The following SLC12A5 variants were observed in gnomAD, a reference collection of about 807,000 sequenced individuals.
SLC12A5 encodes the protein solute carrier family 12 member 5, also known as K-Cl cotransporter 2.
A neutral mutation model predicts 124.0 loss-of-function variants in SLC12A5; 18 were observed. That is an observed-to-expected ratio of 0.15 (90% confidence interval 0.10 to 0.22). SLC12A5 has a LOEUF of 0.22. Ranked by LOEUF, SLC12A5 falls within the 10% of genes least tolerant of loss-of-function variation. SLC12A5 has a pLI of 1.00. For synonymous variants in SLC12A5, 589 were observed against 568.0 expected, an observed-to-expected ratio of 1.04 and a Z score of -0.53; for missense variants, 867 against 1,478.7, an observed-to-expected ratio of 0.59 and a Z score of 6.78.
chr20:46,029,881 TGTGTGTGTGC>T lies in SLC12A5; in HGVS notation c.52+487_52+496del, dbSNP rs1476131305. On this transcript the variant is annotated intron_variant, in intron 1 of 25. Coordinates refer to ENST00000243964, the MANE Select transcript of SLC12A5 (RefSeq NM_020708.5). ...GGCTGTGTGTGTGTGTGTGTGTGTG[TGTGTGTGTGC>T]GCGCGCGTGCGTATGTGTGTGTGTG... 4.0e-3 allele frequency among the ~76,000 whole-genome samples: 220 copies of T among 55,476 alleles called. 1 individual carries two copies. The highest frequency in any genetic ancestry group is 0.024 in the Middle Eastern group (2 of 84). The allele number at this position is 55,476 out of a possible 152,430, so 36.4% of individuals were successfully genotyped here.
rs186924495 is a variant in SLC12A5, at chr20:46,058,287, G to T, written c.*682G>T. ...GACGTCCAAGAGTTTGAGAGCGAAA[G>T]TGCTTTAGGCCCAGGCGGGGGTCGT... is the stretch of plus-strand genomic sequence containing the variant. On this transcript the variant is annotated 3_prime_UTR_variant, in exon 26 of 26. Coordinates refer to ENST00000243964, the MANE Select transcript of SLC12A5 (RefSeq NM_020708.5). This position sits in a 1 kb window ranked among gnomAD's most constrained non-coding sequence, Gnocchi z 5.8. 7.3e-5 allele frequency: 29 copies of T among 396,550 alleles called. No individual in the cohort carries two copies. The East Asian group carries it at 9.6e-4, about 13-fold the overall frequency. The allele number at this position is 396,550 out of a possible 1,614,324, so 24.6% of individuals were successfully genotyped here.
In SLC12A5 at chr20:46,053,135, T is replaced by G; in HGVS notation, c.2547+9T>G. 5.0e-6 allele frequency: 8 copies of G among 1,605,208 alleles called. No individual in the cohort carries two copies. Among genetic ancestry groups the G allele is most frequent in the Non-Finnish European group, 6.8e-6 (8 of 1,172,454 alleles). The stretch of plus-strand genomic sequence containing the variant: ...TGCTGCGGCACCACAAGGTGAGTTG[T>G]GTGCGTGAGTGTATGCACGTGTGAG... On this transcript the variant is annotated intron_variant, in intron 19 of 25. Transcript: ENST00000243964. This position sits in a 1 kb window ranked among gnomAD's most constrained non-coding sequence, Gnocchi z 4.7.
intron 7 of SLC12A5, 145 bp from the exon 8 acceptor site, chr20:46,041,184 G>T: frequency 3.1e-6 from 2 of 653,078 alleles, no homozygotes; most frequent in Non-Finnish European, 5.1e-6. Context: ...AAAAGCCAAT[G>T]GCCAGGCTTC....
In SLC12A5 at chr20:46,035,921, T is replaced by C; in HGVS notation, c.424T>C (p.Cys142Arg). The stretch of plus-strand genomic sequence containing the variant: ...CTGCATGGTGTTCATCTGCTGCTCC[T>C]GTGTGAGTGACACCCCTCCCCTCAC... The part of the protein sequence containing the change: ...SFCMVFICCS[C>R]TMLTAISMSA... Residue 142 changes from cysteine to arginine, a missense_variant and splice_region_variant, in exon 4 of 26, where the codon TGT becomes CGT. Around this residue, in one of 9 missense-constraint regions of SLC12A5, gnomAD observed 126 missense variants for 291.6 expected, o/e 0.43. Coordinates refer to ENST00000243964, the MANE Select transcript of SLC12A5 (RefSeq NM_020708.5). The C allele has an allele frequency of 6.2e-7, 1 of 1,607,856 alleles. No individual in the cohort carries two copies. The highest frequency in any genetic ancestry group is 8.5e-7 in the Non-Finnish European group (1 of 1,175,284).
Position 46,056,305 on chromosome 20 carries a change from TG to T in SLC12A5, c.2910+36del. ...GCTTGGGTGGTTTGGCCCCAACCAG[TG>T]GGAGCAGAGCCCTTGGCCTCCAAAG... On this transcript the variant is annotated intron_variant, in intron 22 of 25. Transcript: ENST00000243964. The surrounding 1 kb of genome is among the most constrained non-coding windows in gnomAD (Gnocchi z 4.3). 6.2e-7 allele frequency: 1 copy of T among 1,613,510 alleles called. No individual in the cohort carries two copies.
At position 46,035,764 on chromosome 20, in the gene SLC12A5, G is replaced by T; in HGVS notation, c.280-13G>T. 1 of 1,606,124 alleles carries T rather than the reference G, an allele frequency of 6.2e-7. No individual in the cohort carries two copies. The highest frequency in any genetic ancestry group is 8.5e-7 in the Non-Finnish European group (1 of 1,175,206). ...ATGAGGACTGCAGAGACTGATGCTGGCCTCCCTGGCAGGCCCCACGCATGG... is the reference window on the plus strand; with the variant it reads ...ATGAGGACTGCAGAGACTGATGCTGTCCTCCCTGGCAGGCCCCACGCATGG... On this transcript the variant is annotated splice_polypyrimidine_tract_variant and intron_variant, in intron 3 of 25. Transcript: ENST00000243964.
upstream of SLC12A5, among the ~76,000 whole-genome samples, chr20:46,024,876 A>G (rs1227968587): frequency 2.0e-5 from 3 of 152,188 alleles, no homozygotes; most frequent in Admixed American, 2.0e-4. Context: ...CTATTCCTTT[A>G]TCTGATCCTC....
At chr20:46,051,901 G>A in intron 18 of SLC12A5, 31 bp downstream of exon 18, 3 of 1,406,268 alleles carry the variant, frequency 2.1e-6, no homozygotes, top group Non-Finnish European at 2.9e-6. Flanking sequence ...GGACAGAAGA[G>A]GGGTGGGGCT....
chr20:46,048,532 C>T (rs1203443861), intron 16 of SLC12A5, among the ~76,000 whole-genome samples: 7 of 152,090 alleles, frequency 4.6e-5, no homozygotes, highest in Non-Finnish European at 7.4e-5. Flanking sequence ...TATAGGGGCT[C>T]TTAGGCATCT....
intron 14 of SLC12A5, 152 bp downstream of exon 14, chr20:46,046,588 A>G (rs1732292125): frequency 3.1e-6 from 2 of 639,024 alleles, no homozygotes; most frequent in Non-Finnish European, 2.7e-6. Context: ...AACTCACATG[A>G]GGAAGGTCCC....
chr20:46,032,586 T>C (rs1297105793), intron 1 of SLC12A5, among the ~76,000 whole-genome samples: 4 of 152,204 alleles, frequency 2.6e-5, no homozygotes, highest in African/African-American at 9.6e-5. Flanking sequence ...GCAACAGCCC[T>C]ATGAGTTAAG....
intron 1 of SLC12A5, among the ~76,000 whole-genome samples, chr20:46,022,481 G>A (rs1157453201): frequency 1.3e-5 from 2 of 152,008 alleles, no homozygotes; most frequent in African/African-American, 2.4e-5. Context: ...CCAGGTCAGC[G>A]GGTCCTCGGT....
At chr20:46,026,586 G>T (rs569326130), upstream of SLC12A5, among the ~76,000 whole-genome samples, 2 of 152,376 alleles carry the variant, frequency 1.3e-5, no homozygotes, top group South Asian at 2.1e-4. Context: ...TGCTCACTTG[G>T]TCGGGGCTCC....
chr20:46,025,888 TG>T (rs934590887), upstream of SLC12A5, among the ~76,000 whole-genome samples: 1 of 151,982 alleles, frequency 6.6e-6, no homozygotes, highest in South Asian at 2.1e-4. Context: ...GGTTAGGTTG[TG>T]GGGGTAATGC....
rs894950630 is a variant in SLC12A5, at chr20:46,057,725, AC to A, written c.*124del. ...CCCTGTGCCCGTGTCCTGGCCCCTTACCCCGCTGCCTGAAGCCCGGAGGCCA... is the reference window on the plus strand; with the variant it reads ...CCCTGTGCCCGTGTCCTGGCCCCTTACCCGCTGCCTGAAGCCCGGAGGCCA... On this transcript the variant is annotated 3_prime_UTR_variant, in exon 26 of 26. Coordinates refer to ENST00000243964, the MANE Select transcript of SLC12A5 (RefSeq NM_020708.5). The surrounding 1 kb of genome is among the most constrained non-coding windows in gnomAD (Gnocchi z 7.1). 3.4e-5 allele frequency: 26 copies of A among 761,274 alleles called. No individual in the cohort carries two copies. Among genetic ancestry groups the A allele is most frequent in the Admixed American group, 6.8e-5 (2 of 29,508 alleles). The allele number at this position is 761,274 out of a possible 1,614,324, so 47.2% of individuals were successfully genotyped here. A position where few individuals can be genotyped will look rare whatever the true frequency, so the allele number is the denominator to read the frequency against.
chr20:46,051,880 TTGGGGGC>T lies in SLC12A5; in HGVS notation c.2377+16_2377+22del. On this transcript the variant is annotated intron_variant, in intron 18 of 25. Transcript: ENST00000243964. ...TGGAGGAACTTCATTGGTAACGCTA[TTGGGGGC>T]TGGGGACAGAAGAGGGGTGGGGCTG... 2 of 1,456,956 alleles carry T rather than the reference TTGGGGGC, an allele frequency of 1.4e-6. No homozygotes were observed. The highest frequency in any genetic ancestry group is 9.1e-7 in the Non-Finnish European group (1 of 1,094,356). The allele number at this position is 1,456,956 out of a possible 1,614,324, so 90.3% of individuals were successfully genotyped here.
intron 4 of SLC12A5, 126 bp from the exon 5 acceptor site, chr20:46,036,614 AG>A: frequency 1.1e-6 from 1 of 926,354 alleles, no homozygotes; most frequent in Non-Finnish European, 1.7e-6. Context: ...GAACAGGTCC[AG>A]GGAGCAGCTC....
In SLC12A5 at chr20:46,053,275, G is replaced by A. The variant is rs888873794; in HGVS notation, c.2547+149G>A. On this transcript the variant is annotated intron_variant, in intron 19 of 25. Coordinates refer to ENST00000243964, the MANE Select transcript of SLC12A5 (RefSeq NM_020708.5). This position sits in a 1 kb window ranked among gnomAD's most constrained non-coding sequence, Gnocchi z 4.7. ...TCCTCCCCTGTAAACTCCTGGGAAA[G>A]GGATCTGCTGACCTACTTCATTCTG... 2.4e-4 allele frequency: 213 copies of A among 887,774 alleles called. No homozygotes were observed. Among genetic ancestry groups the A allele is most frequent in the Non-Finnish European group, 7.6e-5 (45 of 595,276 alleles). 55.0% of individuals were successfully genotyped at this position (887,774 alleles called of 1,614,324 possible). A position where few individuals can be genotyped will look rare whatever the true frequency, so the allele number is the denominator to read the frequency against.
chr20:46,035,949 C>T, intron 4 of SLC12A5, 26 bp downstream of exon 4: 1 of 1,590,628 alleles, frequency 6.3e-7, no homozygotes, highest in Non-Finnish European at 8.6e-7. Flanking sequence ...CCCCTCACCA[C>T]CCCCTGACAG....
Sources: allele counts gnomAD v4.1 joint callset (sites outside exome capture counted in the v4.1 genomes callset), GRCh38; gene constraint gnomAD v4.1.1; regional missense constraint gnomAD v4.1.1; non-coding constraint Gnocchi (gnomAD v3.1); transcripts MANE v1.5; gene names NCBI Gene and HGNC (gene_info 2026-07-23, HGNC 2026-07-21).